Variants in NT5DC1 observed in about 807,000 individuals in gnomAD.
NT5DC1 encodes the protein 5'-nucleotidase domain containing 1.
A neutral mutation model predicts 59.4 loss-of-function variants in NT5DC1; 42 were observed. The observed-to-expected ratio is 0.71, with a 90% confidence interval of 0.55 to 0.92. NT5DC1 has a LOEUF of 0.92. Among genes scored for constraint, NT5DC1 ranks in the 40% least tolerant of loss-of-function variants. The probability of loss-of-function intolerance (pLI) is 0.00; values close to 1 mark genes in which losing one functional copy is unlikely to be tolerated. For synonymous variants in NT5DC1, 172 were observed against 188.1 expected (o/e 0.91, Z 0.70); for missense variants, 501 against 537.1 (o/e 0.93, Z 0.66).
chr6:116,243,968 T>G lies in NT5DC1; in HGVS notation c.1312T>G (p.Tyr438Asp). Residue 438 changes from tyrosine to aspartate, a missense_variant, in exon 12 of 12, where the codon TAC becomes GAC. Tyr to Asp is a radical substitution (Grantham distance 160). Coordinates refer to ENST00000319550, the MANE Select transcript of NT5DC1 (RefSeq NM_152729.3). ...TTCAAGCAATTCAAAAACAGCTGGCTACTATCCAAATCCTCCACTGGTCTT... is the reference window on the plus strand; with the variant it reads ...TTCAAGCAATTCAAAAACAGCTGGCGACTATCCAAATCCTCCACTGGTCTT... ...FSSSNSKTAG[Y>D]YPNPPLVLSS... 6.3e-7 allele frequency: 1 copy of G among 1,583,532 alleles called. No individual in the cohort carries two copies. The highest frequency in any genetic ancestry group is 8.7e-7 in the Non-Finnish European group (1 of 1,155,514).
intron 6 of NT5DC1, among the ~76,000 whole-genome samples, chr6:116,162,962 C>T (rs1216108585): frequency 6.6e-6 from 1 of 151,586 alleles, no homozygotes. Flanking sequence ...CCCGTCTCTA[C>T]TAAATATACA....
At chr6:116,176,421 C>CATGTACACCAGG (rs1228355744) in intron 6 of NT5DC1, among the ~76,000 whole-genome samples, 3 of 152,172 alleles carry the variant, frequency 2.0e-5, no homozygotes, top group Admixed American at 6.5e-5. Flanking sequence ...TTAGAGAAGC[C>CATGTACACCAGG]ATGTACACCA....
In NT5DC1 at chr6:116,245,998, GTTTT is replaced by G. The variant is rs953457562; in HGVS notation, c.*1979_*1982del. 1 of 151,520 alleles carries G rather than the reference GTTTT, an allele frequency of 6.6e-6. No individual in the cohort carries two copies. The highest frequency in any genetic ancestry group is 2.4e-5 in the African/African-American group (1 of 41,216). 9.4% of individuals were successfully genotyped at this position (151,520 alleles called of 1,614,324 possible). ...GCAGTCAGTATTTCTTCTAATGAAT[GTTTT>G]TTTTCTGTAATTAGAAAGACTATAA... On this transcript the variant is annotated 3_prime_UTR_variant, in exon 12 of 12. Transcript: ENST00000319550.
chr6:116,207,702 G>T (rs560382348), intron 6 of NT5DC1, among the ~76,000 whole-genome samples: 1 of 151,866 alleles, frequency 6.6e-6, no homozygotes, highest in African/African-American at 2.4e-5. Flanking sequence ...GCCCTGCTTA[G>T]AGTAGAATAT....
chr6:116,145,180 G>C (rs1282564762), intron 6 of NT5DC1, among the ~76,000 whole-genome samples: 2 of 152,122 alleles, frequency 1.3e-5, no homozygotes, highest in East Asian at 3.8e-4. Flanking sequence ...GCAGTGAGAA[G>C]TTGGACAGTT....
chr6:116,229,999 T>C (rs574732095), intron 8 of NT5DC1, among the ~76,000 whole-genome samples: 4 of 152,326 alleles, frequency 2.6e-5, no homozygotes, highest in African/African-American at 7.2e-5. Context: ...CCGGTCACCT[T>C]GTGTGTATTC....
intron 3 of NT5DC1, among the ~76,000 whole-genome samples, chr6:116,110,376 A>G (rs1424974244): frequency 6.6e-6 from 1 of 152,212 alleles, no homozygotes; most frequent in Non-Finnish European, 1.5e-5. Context: ...TTGTCTTCAC[A>G]GTCCTGCGTG....
At position 116,180,325 on chromosome 6, in the gene NT5DC1, G is replaced by A. The variant is rs12234165; in HGVS notation, c.530-40729G>A. The stretch of plus-strand genomic sequence containing the variant: ...TTATTTCTCTTTTACAAATTCTAAC[G>A]CAAGGTAACTCATTGGTGCAGGACA... On this transcript the variant is annotated intron_variant, in intron 6 of 11. Transcript: ENST00000319550. Among the ~76,000 whole-genome samples the A allele has an allele frequency of 5.9e-5, 9 of 152,004 alleles. No homozygotes were observed. The East Asian group carries it at 7.7e-4, about 13-fold the overall frequency.
At chr6:116,228,012 A>C (rs1016302015) in intron 8 of NT5DC1, among the ~76,000 whole-genome samples, 9 of 152,308 alleles carry the variant, frequency 5.9e-5, no homozygotes, top group Admixed American at 1.3e-4. Flanking sequence ...ATTTCGGGAT[A>C]TAGCCAGAAA....
chr6:116,204,781 A>G (rs182777472), intron 6 of NT5DC1, among the ~76,000 whole-genome samples: 1 of 152,132 alleles, frequency 6.6e-6, no homozygotes, highest in Admixed American at 6.6e-5. Context: ...AAGGTCTATG[A>G]GAGAAAAAAC....
rs1360174631 is a variant in NT5DC1, at chr6:116,244,074, A to C, written c.*50A>C. The C allele has an allele frequency of 1.4e-6, 1 of 720,512 alleles. No individual in the cohort carries two copies. Among genetic ancestry groups the C allele is most frequent in the Non-Finnish European group, 2.3e-6 (1 of 429,818 alleles). The allele number at this position is 720,512 out of a possible 1,614,324, so 44.6% of individuals were successfully genotyped here. ...GAAGACCCATATATGCAGTTAAAAA[A>C]AAGTTAATTTTCAAAAAATACTGTA... On this transcript the variant is annotated 3_prime_UTR_variant, in exon 12 of 12. Transcript: ENST00000319550.
intron 5 of NT5DC1, among the ~76,000 whole-genome samples, chr6:116,116,127 T>C (rs973685741): frequency 6.6e-6 from 1 of 152,190 alleles, no homozygotes; most frequent in Non-Finnish European, 1.5e-5. Flanking sequence ...ATTCAGCGTG[T>C]CTTTAAGCAT....
chr6:116,120,011 G>T (rs1342459594), intron 6 of NT5DC1: 20 of 1,364,530 alleles, frequency 1.5e-5, no homozygotes, highest in Admixed American at 6.7e-5. Flanking sequence ...GCATTTTGTA[G>T]GGTGGGGTAG....
At chr6:116,186,814 G>T (rs1781010333) in intron 6 of NT5DC1, among the ~76,000 whole-genome samples, 1 of 151,616 alleles carries the variant, frequency 6.6e-6, no homozygotes, top group Non-Finnish European at 1.5e-5. Flanking sequence ...CTTTAAGTTG[G>T]ACTTGTGCCT....
At chr6:116,148,878 G>A (rs532748688) in intron 6 of NT5DC1, among the ~76,000 whole-genome samples, 10 of 152,034 alleles carry the variant, frequency 6.6e-5, no homozygotes, top group Non-Finnish European at 1.0e-4. Context: ...CCAAAGAAAC[G>A]TTTTTAAAAT....
chr6:116,216,154 G>GATAATT (rs1781684149), intron 6 of NT5DC1, among the ~76,000 whole-genome samples: 2 of 151,990 alleles, frequency 1.3e-5, no homozygotes, highest in South Asian at 4.1e-4. Context: ...TGACATTTAA[G>GATAATT]ATAATTGGCA....
Position 116,205,266 on chromosome 6 carries a change from T to C in NT5DC1, c.530-15788T>C, listed in dbSNP as rs1781428149. Among the ~76,000 whole-genome samples the C allele has an allele frequency of 4.0e-5, 6 of 151,872 alleles. No individual in the cohort carries two copies. The South Asian group carries it at 1.2e-3, about 31-fold the overall frequency. ...TAAGCTGGGCTGGACAAGCTTGGTG[T>C]GACACTAAAATGACAACAATGATAC... is the stretch of plus-strand genomic sequence containing the variant. On this transcript the variant is annotated intron_variant, in intron 6 of 11. Transcript: ENST00000319550.
chr6:116,224,329 T>C (rs1781867597), intron 8 of NT5DC1, among the ~76,000 whole-genome samples: 1 of 152,204 alleles, frequency 6.6e-6, no homozygotes, highest in African/African-American at 2.4e-5. Context: ...AACAGTGAAA[T>C]CTAAGTGAGG....
chr6:116,119,950 A>G, intron 6 of NT5DC1: 1 of 958,880 alleles, frequency 1.0e-6, no homozygotes, highest in African/African-American at 1.6e-5. Flanking sequence ...GATAGCTCAA[A>G]TCTGTATTTC....
Sources: allele counts gnomAD v4.1 joint callset (sites outside exome capture counted in the v4.1 genomes callset), GRCh38; gene constraint gnomAD v4.1.1; transcripts MANE v1.5; gene names NCBI Gene and HGNC (gene_info 2026-07-23, HGNC 2026-07-21).